The following ARHGAP29 variants were observed in gnomAD, a reference collection of about 807,000 sequenced individuals.
The protein encoded by ARHGAP29 is Rho GTPase activating protein 29, also known as rho GTPase-activating protein 29.
Under a neutral mutation model 122.6 loss-of-function variants are expected in ARHGAP29, and 43 were observed. The ratio of observed to expected loss-of-function variants is 0.35; its 90% CI spans 0.27 to 0.45. The LOEUF (loss-of-function observed/expected upper bound fraction) is 0.45. Ranked by LOEUF, ARHGAP29 falls within the 20% of genes least tolerant of loss-of-function variation. ARHGAP29 has a pLI of 1.00. For synonymous variants in ARHGAP29, 506 were observed against 497.1 expected (o/e 1.02, Z -0.24); for missense variants, 1,303 against 1,477.2 (o/e 0.88, Z 1.93).
intron 1 of ARHGAP29, among the ~76,000 whole-genome samples, chr1:94,237,048 G>A (rs1342967413): frequency 6.6e-6 from 1 of 152,226 alleles, no homozygotes; most frequent in Non-Finnish European, 1.5e-5. Flanking sequence ...ATCATGGAGT[G>A]TTCTGAACAT....
the ARHGAP29 span, among the ~76,000 whole-genome samples, chr1:94,312,714 G>A: frequency 2.6e-5 from 4 of 152,082 alleles, no homozygotes; most frequent in African/African-American, 2.4e-5. Flanking sequence ...TTACAGGTGT[G>A]AGCCACCACA....
At chr1:94,189,039 A>T in intron 14 of ARHGAP29, 98 bp from the exon 15 acceptor site, 1 of 1,395,056 alleles carries the variant, frequency 7.2e-7, no homozygotes, top group African/African-American at 1.4e-5. Flanking sequence ...AATTTCTTTA[A>T]CAATAACCAG....
At chr1:94,200,409 G>A (rs1446216161) in intron 12 of ARHGAP29, among the ~76,000 whole-genome samples, 1 of 152,120 alleles carries the variant, frequency 6.6e-6, no homozygotes, top group Non-Finnish European at 1.5e-5. Flanking sequence ...ACATGTCAAG[G>A]ACACAGAACA....
At chr1:94,280,341 A>G in the ARHGAP29 span, among the ~76,000 whole-genome samples, 1 of 152,186 alleles carries the variant, frequency 6.6e-6, no homozygotes, top group Non-Finnish European at 1.5e-5. Flanking sequence ...AGGCTGTGCC[A>G]GGTTGGGTGG....
intron 1 of ARHGAP29, among the ~76,000 whole-genome samples, chr1:94,248,708 T>G (rs1653940700): frequency 6.6e-6 from 1 of 152,360 alleles, no homozygotes; most frequent in Admixed American, 6.5e-5. Context: ...TTTTGTTTTG[T>G]TTTGTTTTAG....
At chr1:94,254,629 A>T (rs926766531) in intron 1 of ARHGAP29, among the ~76,000 whole-genome samples, 1 of 152,200 alleles carries the variant, frequency 6.6e-6, no homozygotes, top group South Asian at 2.1e-4. Flanking sequence ...AAAATGACTA[A>T]AAGGTAAAAC....
At chr1:94,236,188 T>C (rs1283777735) in intron 1 of ARHGAP29, among the ~76,000 whole-genome samples, 1 of 152,354 alleles carries the variant, frequency 6.6e-6, no homozygotes, top group East Asian at 1.9e-4. Flanking sequence ...AGAAAGAGTT[T>C]TATCAATACT....
chr1:94,268,099 A>T (rs1654844245), intron 1 of ARHGAP29, among the ~76,000 whole-genome samples: 1 of 152,310 alleles, frequency 6.6e-6, no homozygotes, highest in South Asian at 2.1e-4. Context: ...TCTGTTTAAT[A>T]CATTTATTTT....
rs774471681 is a variant in ARHGAP29 at position 94,202,472 on chromosome 1, G to T, written c.1143+72C>A. 3 of 1,571,606 alleles carry T rather than the reference G, an allele frequency of 1.9e-6. No homozygotes were observed. In the Admixed American group the frequency reaches 5.1e-5, roughly 27 times the overall value. ...TTTCCAGGCAGTCTTGGCAGACGCA[G>T]AACTTTGACACCAAACTCCTGGCAG... On this transcript the variant is annotated intron_variant, in intron 11 of 22. Transcript: ENST00000260526.
At chr1:94,194,327 A>G (rs6662417) in intron 12 of ARHGAP29, 1 of 150,338 alleles carries the variant, frequency 6.7e-6, no homozygotes, top group Non-Finnish European at 1.5e-5. Context: ...GAAAGAGATA[A>G]TTTTTTTTTT....
rs762148654 is a variant in ARHGAP29 at position 94,170,438 on chromosome 1, A to C, written c.*3431T>G. ...AGTCTGAAAAGATGTTCTGGACTGA[A>C]TGAAACAAGAGATAGGGCAACTAAA... On this transcript the variant is annotated 3_prime_UTR_variant, in exon 23 of 23. Coordinates refer to ENST00000260526, the MANE Select transcript of ARHGAP29 (RefSeq NM_004815.4). Among the ~76,000 whole-genome samples, 1 of 152,214 alleles carries C rather than the reference A, an allele frequency of 6.6e-6. No homozygotes were observed. The highest frequency in any genetic ancestry group is 1.5e-5 in the Non-Finnish European group (1 of 68,032).
the ARHGAP29 span, among the ~76,000 whole-genome samples, chr1:94,281,770 T>C: frequency 6.6e-6 from 1 of 152,184 alleles, no homozygotes; most frequent in Non-Finnish European, 1.5e-5. Flanking sequence ...TAGGACAGAG[T>C]GCAGCCAGGG....
At chr1:94,237,699 G>T (rs975662929), upstream of ARHGAP29, 3 of 985,226 alleles carry the variant, frequency 3.0e-6, no homozygotes, top group African/African-American at 3.5e-5. Flanking sequence ...CGGCGACCGC[G>T]GCAGGTACGG....
At chr1:94,264,352 C>G (rs968405610) in intron 1 of ARHGAP29, among the ~76,000 whole-genome samples, 3 of 152,122 alleles carry the variant, frequency 2.0e-5, no homozygotes, top group Non-Finnish European at 4.4e-5. Context: ...CCATCCAAAT[C>G]CTGCACCTTC....
intron 1 of ARHGAP29, among the ~76,000 whole-genome samples, chr1:94,252,895 A>T (rs1654155560): frequency 6.6e-6 from 1 of 152,210 alleles, no homozygotes; most frequent in African/African-American, 2.4e-5. Flanking sequence ...TAAGATAACA[A>T]AATGAGATCT....
Position 94,170,529 on chromosome 1 carries a change from C to A in ARHGAP29, c.*3340G>T, listed in dbSNP as rs1427980796. On this transcript the variant is annotated 3_prime_UTR_variant, in exon 23 of 23. Transcript: ENST00000260526. The stretch of plus-strand genomic sequence containing the variant: ...ACATTACTGAGGCAATCAAAATCAG[C>A]AGATTGAATGTGGTCTATGGATTAG... 6.6e-6 allele frequency among the ~76,000 whole-genome samples: 1 copy of A among 152,140 alleles called. No individual in the cohort carries two copies. The highest frequency in any genetic ancestry group is 1.9e-4 in the East Asian group (1 of 5,192).
chr1:94,186,590 A>G lies in ARHGAP29; in HGVS notation c.1689T>C (p.Phe563=). ...LDSESISPGD[F]HRKLPRTPSS... ...ATGGTGTTCGTGGAAGTTTTCGATGAAAGTCTCCTAGAAGAAAATTGTGGA... is the reference window on the plus strand; with the variant it reads ...ATGGTGTTCGTGGAAGTTTTCGATGGAAGTCTCCTAGAAGAAAATTGTGGA... Residue 563 remains phenylalanine (F), a synonymous_variant, in exon 16 of 23, where the codon TTT becomes TTC. Transcript: ENST00000260526. The G allele has an allele frequency of 1.2e-6, 2 of 1,612,794 alleles. No individual in the cohort carries two copies. Among genetic ancestry groups the G allele is most frequent in the Non-Finnish European group, 1.7e-6 (2 of 1,179,050 alleles).
chr1:94,241,843 C>T (rs750057529), upstream of ARHGAP29, among the ~76,000 whole-genome samples: 48 of 149,716 alleles, frequency 3.2e-4, no homozygotes, highest in Admixed American at 1.2e-3. Flanking sequence ...TTTCAGACAC[C>T]GAACTACACA....
chr1:94,198,015 G>A (rs1204439829), intron 12 of ARHGAP29, among the ~76,000 whole-genome samples: 1 of 152,048 alleles, frequency 6.6e-6, no homozygotes, highest in Non-Finnish European at 1.5e-5. Flanking sequence ...AGAAATAAAA[G>A]GAATACAGAT....
Sources: gnomAD v4.1 joint callset for allele counts (sites outside exome capture counted in the v4.1 genomes callset) on GRCh38, gnomAD v4.1.1 for gene constraint, MANE v1.5 for transcripts, NCBI Gene and HGNC (gene_info 2026-07-23, HGNC 2026-07-21) for gene names.